The following CADPS2 variants were observed in gnomAD, a reference collection of about 807,000 sequenced individuals.
CADPS2 encodes calcium-dependent secretion activator 2.
In CADPS2, 93 loss-of-function variants were observed where a neutral mutation model predicts 172.5. The observed-to-expected ratio is 0.54, with a 90% CI of 0.46 to 0.64. The LOEUF is 0.64. Ranked by LOEUF, CADPS2 falls within the 30% of genes least tolerant of loss-of-function variation. CADPS2 has a pLI of 0.00. For synonymous variants in CADPS2, 546 were observed against 555.2 expected (o/e 0.98, Z 0.23); for missense variants, 1,420 against 1,565.9 (o/e 0.91, Z 1.57).
intron 1 of CADPS2, among the ~76,000 whole-genome samples, chr7:122,823,878 T>C (rs1804091951): frequency 6.6e-6 from 1 of 152,022 alleles, no homozygotes; most frequent in Non-Finnish European, 1.5e-5. Context: ...GACTCAGGGG[T>C]TGTGCAGGAG....
chr7:122,390,541 C>T (rs559067793), intron 22 of CADPS2, among the ~76,000 whole-genome samples: 9 of 151,956 alleles, frequency 5.9e-5, no homozygotes, highest in Non-Finnish European at 1.3e-4. Context: ...AACAAAATCT[C>T]TAATGGTAAA....
In CADPS2 at chr7:122,431,483, C is replaced by T. The variant is rs189282307; in HGVS notation, c.2476+6858G>A. Among the ~76,000 whole-genome samples the T allele has an allele frequency of 3.0e-3, 459 of 152,068 alleles. 2 individuals carry two copies. The highest frequency in any genetic ancestry group is 5.4e-3 in the Non-Finnish European group (367 of 67,990). ...TTGAATCACTTTCAACACCTGACAT[C>T]GTGAGGAATGTGGGGAAAAATAAAC... On this transcript the variant is annotated intron_variant, in intron 17 of 29. Transcript: ENST00000449022.
chr7:122,784,135 C>T (rs1376577532), intron 1 of CADPS2, among the ~76,000 whole-genome samples: 2 of 151,940 alleles, frequency 1.3e-5, no homozygotes, highest in African/African-American at 2.4e-5. Flanking sequence ...ATTATTTTTC[C>T]CACCATGACC....
At chr7:122,559,791 A>G (rs2065504376) in intron 7 of CADPS2, among the ~76,000 whole-genome samples, 1 of 150,700 alleles carries the variant, frequency 6.6e-6, no homozygotes, top group Non-Finnish European at 1.5e-5. Context: ...AAAAAAAAAA[A>G]AGGAAAAGAA....
intron 24 of CADPS2, among the ~76,000 whole-genome samples, chr7:122,384,001 C>G (rs537191497): frequency 9.2e-5 from 14 of 152,094 alleles, no homozygotes; most frequent in Non-Finnish European, 1.6e-4. Flanking sequence ...TGAATGCCTA[C>G]AGCCCAGGTA....
At chr7:122,511,665 T>C (rs1397395602) in intron 9 of CADPS2, among the ~76,000 whole-genome samples, 7 of 152,158 alleles carry the variant, frequency 4.6e-5, no homozygotes. Flanking sequence ...TGAAATCATG[T>C]AGTTAAATGA....
At chr7:122,398,225 T>C (rs1355821674) in intron 20 of CADPS2, among the ~76,000 whole-genome samples, 7 of 152,212 alleles carry the variant, frequency 4.6e-5, no homozygotes, top group African/African-American at 1.4e-4. Flanking sequence ...AGAATTTAAA[T>C]TTAAACTATG....
At chr7:122,466,243 C>T (rs984077726) in intron 14 of CADPS2, among the ~76,000 whole-genome samples, 3 of 152,160 alleles carry the variant, frequency 2.0e-5, no homozygotes, top group African/African-American at 4.8e-5. Context: ...TAATATCTCA[C>T]AAAGATCCAG....
At chr7:122,607,710 T>C (rs1032261303) in intron 6 of CADPS2, among the ~76,000 whole-genome samples, 5 of 152,186 alleles carry the variant, frequency 3.3e-5, no homozygotes, top group African/African-American at 1.2e-4. Flanking sequence ...TTATTATAAA[T>C]AAATTCTCAA....
chr7:122,644,349 C>A (rs2078063741), intron 3 of CADPS2, among the ~76,000 whole-genome samples: 1 of 151,828 alleles, frequency 6.6e-6, no homozygotes, highest in Non-Finnish European at 1.5e-5. Context: ...CTTTTTTTCA[C>A]TACCTTCATT....
rs562750869 is a variant in CADPS2 at position 122,465,199 on chromosome 7, A to T, written c.2186+6176T>A. Among the ~76,000 whole-genome samples, 4 of 152,212 alleles carry T rather than the reference A, an allele frequency of 2.6e-5. No homozygotes were observed. In the East Asian group the frequency reaches 7.7e-4, roughly 29 times the overall value. ...TCGAGCAAAAAATACAAAGAAAACAACTTGAATAACTTAATATCAATACAT... is the reference window on the plus strand; with the variant it reads ...TCGAGCAAAAAATACAAAGAAAACATCTTGAATAACTTAATATCAATACAT... On this transcript the variant is annotated intron_variant, in intron 14 of 29. Coordinates refer to ENST00000449022, the MANE Select transcript of CADPS2 (RefSeq NM_017954.11).
intron 9 of CADPS2, among the ~76,000 whole-genome samples, chr7:122,500,249 C>G (rs895980492): frequency 3.3e-5 from 5 of 151,874 alleles, no homozygotes; most frequent in African/African-American, 1.2e-4. Flanking sequence ...TTTTTTGTTT[C>G]TGACTCAGTG....
At chr7:122,762,722 C>T (rs2093429361) in intron 1 of CADPS2, among the ~76,000 whole-genome samples, 1 of 152,044 alleles carries the variant, frequency 6.6e-6, no homozygotes, top group Non-Finnish European at 1.5e-5. Flanking sequence ...TTCAAGATGA[C>T]AGAAGAGATC....
At chr7:122,470,165 T>C (rs1302478986) in intron 14 of CADPS2, among the ~76,000 whole-genome samples, 1 of 152,064 alleles carries the variant, frequency 6.6e-6, no homozygotes, top group Non-Finnish European at 1.5e-5. Flanking sequence ...TATTCTACAA[T>C]TTTTTTGACT....
At chr7:122,613,541 C>T (rs921498422) in intron 6 of CADPS2, among the ~76,000 whole-genome samples, 1 of 152,018 alleles carries the variant, frequency 6.6e-6, no homozygotes, top group African/African-American at 2.4e-5. Flanking sequence ...TGTATCCCTG[C>T]TGTTAAGTAA....
At chr7:122,402,412 C>T (rs985317589) in intron 20 of CADPS2, among the ~76,000 whole-genome samples, 4 of 152,184 alleles carry the variant, frequency 2.6e-5, no homozygotes, top group African/African-American at 7.2e-5. Context: ...GCCCCCCGCC[C>T]GAGTTCCTGC....
intron 28 of CADPS2, among the ~76,000 whole-genome samples, chr7:122,343,126 C>T (rs2037034714): frequency 1.3e-5 from 2 of 152,130 alleles, no homozygotes; most frequent in South Asian, 4.1e-4. Context: ...AGTATCCCCT[C>T]ATACATGTTA....
intron 2 of CADPS2, chr7:122,702,372 C>T (rs368049014): frequency 1.2e-6 from 2 of 1,613,778 alleles, no homozygotes; most frequent in Non-Finnish European, 1.7e-6. Flanking sequence ...TAGATGATCA[C>T]CCCATTTGCT....
chr7:122,655,300 T>C (rs1395830802), intron 3 of CADPS2, among the ~76,000 whole-genome samples: 1 of 152,150 alleles, frequency 6.6e-6, no homozygotes, highest in Non-Finnish European at 1.5e-5. Context: ...TATCAAACAG[T>C]ATCACATACT....
Sources: allele counts gnomAD v4.1 joint callset (sites outside exome capture counted in the v4.1 genomes callset), GRCh38; gene constraint gnomAD v4.1.1; transcripts MANE v1.5; gene names NCBI Gene and HGNC (gene_info 2026-07-23, HGNC 2026-07-21).